TOGARAM1: variants seen among roughly 807,000 people sequenced by gnomAD.
TOGARAM1 encodes the protein TOG array regulator of axonemal microtubules 1.
In TOGARAM1, 100 loss-of-function variants were observed where a neutral mutation model predicts 166.6. The observed-to-expected ratio is 0.60, with a 90% confidence interval of 0.51 to 0.71. The LOEUF (loss-of-function observed/expected upper bound fraction) is 0.71. TOGARAM1 is among the 30% of genes least tolerant of loss of function. The pLI, the probability that TOGARAM1 is intolerant of heterozygous loss-of-function variation, is 0.00. For missense variants in TOGARAM1, 2,029 were observed against 2,102.7 expected (o/e 0.96, Z 0.69); for synonymous variants, 758 against 763.8 (o/e 0.99, Z 0.13).
intron 13 of TOGARAM1, among the ~76,000 whole-genome samples, chr14:45,045,573 ATATATATATATGTGTGTGTGTG>A (rs1320283993): frequency 0.011 from 446 of 39,378 alleles, 24 homozygotes; most frequent in African/African-American, 0.055. Flanking sequence ...ATATATATAT[ATATATATATATGTGTGTGTGTG>A]TGTGTGTGTG....
At chr14:44,991,257 C>T (rs756632996) in intron 1 of TOGARAM1, among the ~76,000 whole-genome samples, 9 of 151,842 alleles carry the variant, frequency 5.9e-5, no homozygotes, top group Non-Finnish European at 8.8e-5. Flanking sequence ...TGCACTCAGC[C>T]TTAGTTTTTT....
intron 18 of TOGARAM1, 121 bp downstream of exon 18, chr14:45,068,764 A>G: frequency 1.6e-6 from 1 of 635,942 alleles, no homozygotes; most frequent in South Asian, 3.0e-5. Context: ...ACTTAATATT[A>G]TCATAAAACT....
chr14:45,062,915 T>G (rs1193294650), intron 16 of TOGARAM1, among the ~76,000 whole-genome samples: 1 of 152,198 alleles, frequency 6.6e-6, no homozygotes, highest in Non-Finnish European at 1.5e-5. Flanking sequence ...TTTAGAATAT[T>G]GTTGTCACCT....
intron 1 of TOGARAM1, among the ~76,000 whole-genome samples, chr14:44,975,863 C>G (rs749079949): frequency 1.3e-5 from 2 of 150,854 alleles, no homozygotes; most frequent in Non-Finnish European, 1.5e-5. Context: ...TAGGACAACT[C>G]CCTTGTTAAC....
At chr14:44,964,733 T>G (rs562592416) in intron 1 of TOGARAM1, among the ~76,000 whole-genome samples, 1 of 152,234 alleles carries the variant, frequency 6.6e-6, no homozygotes, top group Admixed American at 6.5e-5. Flanking sequence ...TACTGTAGCA[T>G]GTCAGTTTAT....
At chr14:44,986,637 C>A (rs567074489) in intron 1 of TOGARAM1, among the ~76,000 whole-genome samples, 5 of 151,760 alleles carry the variant, frequency 3.3e-5, no homozygotes, top group African/African-American at 1.2e-4. Context: ...ACTACAGATA[C>A]TAAAACTTTG....
rs1881849081 is a variant in TOGARAM1, at chr14:45,043,868, A to G, written c.3918+77A>G. The stretch of plus-strand genomic sequence containing the variant: ...ATATGCTATGTTTATTTGACCTTTA[A>G]AATTTTTAAACAACTCTGTACCATA... On this transcript the variant is annotated intron_variant, in intron 12 of 19. Coordinates refer to ENST00000361462, the MANE Select transcript of TOGARAM1 (RefSeq NM_001308120.2). 11 of 833,226 alleles carry G rather than the reference A, an allele frequency of 1.3e-5. No homozygotes were observed. The South Asian group carries it at 1.6e-4, about 12-fold the overall frequency. The allele number at this position is 833,226 out of a possible 1,614,324, so 51.6% of individuals were successfully genotyped here. A position where few individuals can be genotyped will look rare whatever the true frequency, so the allele number is the denominator to read the frequency against.
intron 1 of TOGARAM1, among the ~76,000 whole-genome samples, chr14:44,967,081 A>G (rs1594600941): frequency 6.6e-6 from 1 of 152,006 alleles, no homozygotes; most frequent in Non-Finnish European, 1.5e-5. Flanking sequence ...TTTATTGGGC[A>G]GTGGTATTTG....
chr14:45,017,688 A>G (rs1476223393), intron 7 of TOGARAM1, among the ~76,000 whole-genome samples: 1 of 152,186 alleles, frequency 6.6e-6, no homozygotes, highest in Non-Finnish European at 1.5e-5. Flanking sequence ...GTTCGAGACC[A>G]GCCTGCCCAA....
At chr14:45,022,773 T>G (rs1880598545) in intron 7 of TOGARAM1, 1 of 152,100 alleles carries the variant, frequency 6.6e-6, no homozygotes, top group African/African-American at 2.4e-5. Flanking sequence ...CTCTTTTTGC[T>G]TCAATATCTG....
intron 11 of TOGARAM1, among the ~76,000 whole-genome samples, chr14:45,041,121 G>A (rs1268813198): frequency 5.3e-5 from 8 of 151,846 alleles, no homozygotes; most frequent in Admixed American, 4.6e-4. Flanking sequence ...CCCACAAAGA[G>A]GCCAGGAGTG....
Position 44,962,939 on chromosome 14 carries a change from A to G in TOGARAM1, c.518A>G (p.Glu173Gly), listed in dbSNP as rs1395998080. 1 of 1,614,206 alleles carries G rather than the reference A, an allele frequency of 6.2e-7. No individual in the cohort carries two copies. ...LRGQGEAGQL[E>G]EAFSLALLPQ... ...GGTCAGGGGGAGGCAGGCCAGCTTGAAGAGGCCTTTAGCTTAGCACTTTTG... is the reference window on the plus strand; with the variant it reads ...GGTCAGGGGGAGGCAGGCCAGCTTGGAGAGGCCTTTAGCTTAGCACTTTTG... Residue 173 changes from glutamate (E) to glycine (G), a missense_variant, in exon 1 of 20, where the codon GAA becomes GGA. By Grantham distance (98) the Glu-to-Gly change is moderately conservative (BLOSUM62 -2). Around this residue, in one of 2 missense-constraint regions of TOGARAM1, gnomAD observed 1,453 missense variants for 1,432.2 expected, o/e 1.01. Transcript: ENST00000361462.
At chr14:45,066,901 A>C in intron 17 of TOGARAM1, 134 bp downstream of exon 17, 1 of 551,954 alleles carries the variant, frequency 1.8e-6, no homozygotes, top group Non-Finnish European at 3.2e-6. Flanking sequence ...TGGGCAACAT[A>C]GCAAGACCCT....
intron 7 of TOGARAM1, among the ~76,000 whole-genome samples, chr14:45,014,478 C>A (rs2138868306): frequency 6.6e-6 from 1 of 152,146 alleles, no homozygotes; most frequent in Admixed American, 6.5e-5. Context: ...TTAAATTTAA[C>A]CTTTTCTCAA....
chr14:45,043,776 T>A lies in TOGARAM1; in HGVS notation c.3903T>A (p.Phe1301Leu). Residue 1301 changes from phenylalanine (F) to leucine (L), a missense_variant, in exon 12 of 20, where the codon TTT becomes TTA. By Grantham distance (22) the Phe-to-Leu change is conservative. Around this residue, in one of 2 missense-constraint regions of TOGARAM1, gnomAD observed 576 missense variants for 670.5 expected, o/e 0.86. Coordinates refer to ENST00000361462, the MANE Select transcript of TOGARAM1 (RefSeq NM_001308120.2). ...ACACAAAGTTGCATGAAACAAATTT[T>A]GCAGTTGTTCAAGAGGTAAACTTAT... ...ILNTKLHETN[F>L]AVVQEVKNLR... 2 of 1,607,282 alleles carry A rather than the reference T, an allele frequency of 1.2e-6. No individual in the cohort carries two copies. The highest frequency in any genetic ancestry group is 1.7e-6 in the Non-Finnish European group (2 of 1,173,808).
Position 44,963,154 on chromosome 14 carries a change from G to A in TOGARAM1, c.733G>A (p.Glu245Lys). Residue 245 changes from glutamate (E) to lysine (K), a missense_variant, in exon 1 of 20, where the codon GAG becomes AAG. Transcript: ENST00000361462. ...ALLLPILLTT[E>K]DLLLGLDLTE... ...ACTGCTTCCCATCTTGCTTACTACT[G>A]AGGACTTGTTGCTTGGTCTGGATCT... 1 of 1,614,196 alleles carries A rather than the reference G, an allele frequency of 6.2e-7. No homozygotes were observed. Among genetic ancestry groups the A allele is most frequent in the Non-Finnish European group, 8.5e-7 (1 of 1,180,040 alleles).
chr14:45,068,225 T>G (rs1883221230), intron 17 of TOGARAM1, among the ~76,000 whole-genome samples, 199 bp from the exon 18 acceptor site: 1 of 152,168 alleles, frequency 6.6e-6, no homozygotes, highest in Non-Finnish European at 1.5e-5. Context: ...TCTCTTTTTG[T>G]TACAAGAAGA....
chr14:45,019,396 T>C (rs113717342), intron 7 of TOGARAM1, among the ~76,000 whole-genome samples: 2,329 of 152,278 alleles, frequency 0.015, 69 homozygotes, highest in African/African-American at 0.053. Context: ...TCATTATCTC[T>C]TCCATACTCA....
In TOGARAM1 at chr14:45,070,847, T is replaced by A. The variant is rs184187701; in HGVS notation, c.4970-865T>A. Among the ~76,000 whole-genome samples, 3 of 152,366 alleles carry A rather than the reference T, an allele frequency of 2.0e-5. No individual in the cohort carries two copies. In the East Asian group the frequency reaches 5.8e-4, roughly 29 times the overall value. ...TCTTTGTAAATTTCTCTGTTTCTAT[T>A]ATTATTTCAAAATTAAAACTTAAGA... On this transcript the variant is annotated intron_variant, in intron 18 of 19. Transcript: ENST00000361462.
Sources: gnomAD v4.1 joint callset for allele counts (sites outside exome capture counted in the v4.1 genomes callset) on GRCh38, gnomAD v4.1.1 for gene constraint, gnomAD v4.1.1 regional missense constraint, MANE v1.5 for transcripts, NCBI Gene and HGNC (gene_info 2026-07-23, HGNC 2026-07-21) for gene names.